KAZN: variants seen among roughly 807,000 people sequenced by gnomAD.
KAZN encodes the protein kazrin.
A neutral mutation model predicts 87.4 loss-of-function variants in KAZN; 40 were observed. The observed-to-expected ratio is 0.46, with a 90% CI of 0.36 to 0.60. The LOEUF is 0.60. Among genes scored for constraint, KAZN ranks in the 20% least tolerant of loss-of-function variants. The probability of loss-of-function intolerance (pLI) is 0.00; values close to 1 mark genes in which losing one functional copy is unlikely to be tolerated. For synonymous variants in KAZN, 466 were observed against 458.3 expected (o/e 1.02, Z -0.22); for missense variants, 898 against 1,073.9 (o/e 0.84, Z 2.29).
chr1:14,236,455 C>T (rs1450917842), intron 2 of KAZN, among the ~76,000 whole-genome samples: 1 of 152,170 alleles, frequency 6.6e-6, no homozygotes, highest in Admixed American at 6.5e-5. Flanking sequence ...TTTCATGGGA[C>T]CACAGAGGCC....
At chr1:14,763,269 T>A (rs1644793755) in intron 1 of KAZN, among the ~76,000 whole-genome samples, 1 of 152,224 alleles carries the variant, frequency 6.6e-6, no homozygotes, top group Non-Finnish European at 1.5e-5. Flanking sequence ...AGGAGCTGTT[T>A]CCGTCTCAGG....
intron 1 of KAZN, among the ~76,000 whole-genome samples, chr1:14,648,871 G>A (rs760655242): frequency 8.5e-5 from 13 of 152,296 alleles, no homozygotes; most frequent in Middle Eastern, 3.4e-3. Context: ...AGTCTTTGGG[G>A]CATGAGACGT....
intron 1 of KAZN, among the ~76,000 whole-genome samples, chr1:14,864,155 A>G (rs1651183491): frequency 6.6e-6 from 1 of 152,234 alleles, no homozygotes; most frequent in African/African-American, 2.4e-5. Context: ...GCTTAAAGCA[A>G]GTGCAAGGGT....
At chr1:14,062,062 G>A (rs905346633) in intron 1 of KAZN, among the ~76,000 whole-genome samples, 1 of 152,120 alleles carries the variant, frequency 6.6e-6, no homozygotes, top group Non-Finnish European at 1.5e-5. Context: ...AGGAAGCGTG[G>A]TGCACCCTGG....
chr1:14,255,451 C>T (rs1207998448), intron 2 of KAZN, among the ~76,000 whole-genome samples: 1 of 152,146 alleles, frequency 6.6e-6, no homozygotes, highest in East Asian at 1.9e-4. Context: ...CAAATATAGT[C>T]AGCCCAGCAA....
intron 2 of KAZN, among the ~76,000 whole-genome samples, chr1:14,251,076 C>T (rs116719116): frequency 0.02 from 2,969 of 152,254 alleles, 46 homozygotes; most frequent in Non-Finnish European, 0.029. Context: ...AAGGGCCTAA[C>T]CCTGGAACTG....
At chr1:15,113,918 C>G (rs1265793739) in intron 14 of KAZN, 1 of 152,496 alleles carries the variant, frequency 6.6e-6, no homozygotes, top group Non-Finnish European at 1.5e-5. Context: ...ACTACTATTC[C>G]CATTTTGTAG....
rs372592538 is a variant in KAZN at position 13,998,646 on chromosome 1, C to A, written c.91+104890C>A. 2.6e-5 allele frequency among the ~76,000 whole-genome samples: 4 copies of A among 151,048 alleles called. No individual in the cohort carries two copies. In the South Asian group the frequency reaches 8.4e-4, roughly 32 times the overall value. ...AAAAGAAGGGTAATGGTAAAGGGAACAATGCAACAAGAAGAGCTAACTATT... is the reference window on the plus strand; with the variant it reads ...AAAAGAAGGGTAATGGTAAAGGGAAAAATGCAACAAGAAGAGCTAACTATT... On this transcript the variant is annotated intron_variant, in intron 1 of 16. Transcript: ENST00000636203.
chr1:15,005,265 G>T (rs536176161), intron 2 of KAZN, among the ~76,000 whole-genome samples: 1 of 152,260 alleles, frequency 6.6e-6, no homozygotes, highest in East Asian at 1.9e-4. Flanking sequence ...TGCTGGGCAT[G>T]GACCCAGCCC....
At position 14,197,209 on chromosome 1, in the gene KAZN, AT is replaced by A. The variant is rs1366149071; in HGVS notation, c.249+16624del. Among the ~76,000 whole-genome samples the A allele has an allele frequency of 4.0e-5, 6 of 151,838 alleles. 1 individual carries two copies. The highest frequency in any genetic ancestry group is 6.8e-3 in the Middle Eastern group (2 of 294). On this transcript the variant is annotated intron_variant, in intron 2 of 16. Transcript: ENST00000636203. The stretch of plus-strand genomic sequence containing the variant: ...GAATATAGAGTTAAGAGAAACGGGG[AT>A]TTTTTTGTTTTGTTTTTAAACAGAG...
intron 2 of KAZN, among the ~76,000 whole-genome samples, chr1:14,323,969 T>C (rs1362861508): frequency 3.9e-5 from 6 of 152,226 alleles, no homozygotes; most frequent in African/African-American, 1.4e-4. Flanking sequence ...TCTGTATTTC[T>C]TTCCTTTTCT....
intron 1 of KAZN, among the ~76,000 whole-genome samples, chr1:14,817,710 G>A (rs552077741): frequency 9.9e-5 from 15 of 152,098 alleles, no homozygotes; most frequent in African/African-American, 3.1e-4. Context: ...TCTAGCTTCC[G>A]AAGTCTCTGA....
chr1:15,028,060 C>T (rs1253917143), intron 2 of KAZN, among the ~76,000 whole-genome samples: 5 of 151,056 alleles, frequency 3.3e-5, no homozygotes, highest in African/African-American at 4.9e-5. Context: ...TGTGTTGTCT[C>T]GGTCTTTCGC....
chr1:14,515,196 A>G (rs544817798), intron 2 of KAZN, among the ~76,000 whole-genome samples: 164 of 152,240 alleles, frequency 1.1e-3, no homozygotes, highest in African/African-American at 3.8e-3. Context: ...TTGTGCTATC[A>G]ACTCTCTCCT....
chr1:14,489,649 A>G (rs1315266937), intron 2 of KAZN, among the ~76,000 whole-genome samples: 1 of 151,534 alleles, frequency 6.6e-6, no homozygotes, highest in Non-Finnish European at 1.5e-5. Flanking sequence ...CAGGAGAATC[A>G]CTTGAACCTG....
intron 1 of KAZN, among the ~76,000 whole-genome samples, chr1:14,654,259 C>T (rs1021348655): frequency 1.4e-5 from 2 of 144,490 alleles, no homozygotes; most frequent in East Asian, 2.0e-4. Context: ...TGCACTCCAG[C>T]CTGGGCAACA....
chr1:14,772,867 T>C (rs1024164834), intron 1 of KAZN, among the ~76,000 whole-genome samples: 2 of 152,130 alleles, frequency 1.3e-5, no homozygotes, highest in African/African-American at 4.8e-5. Flanking sequence ...GCTGAGAATT[T>C]TCCCCCAGAA....
In KAZN at chr1:15,024,514, A is replaced by G. The variant is rs182665911; in HGVS notation, c.419-10235A>G. On this transcript the variant is annotated intron_variant, in intron 2 of 14. Transcript: ENST00000376030. ...GATGTGAGAGAGAATTGCATGTTCC[A>G]ATGATGCTGAGAAAAATTCAATAGA... 1.1e-4 allele frequency among the ~76,000 whole-genome samples: 16 copies of G among 152,380 alleles called. No individual in the cohort carries two copies. The East Asian group carries it at 3.1e-3, about 29-fold the overall frequency.
chr1:14,033,077 AT>A (rs1641397313), intron 1 of KAZN, among the ~76,000 whole-genome samples: 1 of 152,180 alleles, frequency 6.6e-6, no homozygotes, highest in East Asian at 1.9e-4. Context: ...ACAAAAAGAC[AT>A]TTGTTGAAGG....
Sources: gnomAD v4.1 joint callset for allele counts (sites outside exome capture counted in the v4.1 genomes callset) on GRCh38, gnomAD v4.1.1 for gene constraint, MANE v1.5 for transcripts, NCBI Gene and HGNC (gene_info 2026-07-23, HGNC 2026-07-21) for gene names.